B4GALT1: variants seen among roughly 807,000 people sequenced by gnomAD.
The protein encoded by B4GALT1 is N-acetyllactosamine synthase.
B4GALT1 carries 16 observed loss-of-function variants against 34.9 expected under a neutral mutation model. The ratio of observed to expected loss-of-function variants is 0.46; its 90% confidence interval spans 0.31 to 0.70. The LOEUF (loss-of-function observed/expected upper bound fraction) is 0.70. Among genes scored for constraint, B4GALT1 ranks in the 30% least tolerant of loss-of-function variants. The probability of loss-of-function intolerance (pLI) is 0.05; values close to 1 mark genes in which losing one functional copy is unlikely to be tolerated. For missense variants in B4GALT1, 445 were observed against 530.5 expected (o/e 0.84, Z 1.58); for synonymous variants, 221 against 218.1 (o/e 1.01, Z -0.12).
intron 1 of B4GALT1, among the ~76,000 whole-genome samples, chr9:33,151,012 C>T (rs1247186234): frequency 6.6e-6 from 1 of 152,034 alleles, no homozygotes; most frequent in South Asian, 2.1e-4. Context: ...GGAGAGATGG[C>T]GGATGGAGCT....
At chr9:33,118,096 G>A (rs1391131951) in intron 3 of B4GALT1, among the ~76,000 whole-genome samples, 1 of 152,216 alleles carries the variant, frequency 6.6e-6, no homozygotes, top group East Asian at 1.9e-4. Flanking sequence ...ATCAAGAGGG[G>A]TCAGGGTATA....
chr9:33,135,990 G>A (rs990884587), intron 1 of B4GALT1, among the ~76,000 whole-genome samples: 2 of 151,480 alleles, frequency 1.3e-5, no homozygotes, highest in African/African-American at 4.9e-5. Flanking sequence ...GAAGTGGAAG[G>A]TAGCAGGAGT....
chr9:33,154,803 C>T (rs764548285), intron 1 of B4GALT1, among the ~76,000 whole-genome samples: 1 of 152,092 alleles, frequency 6.6e-6, no homozygotes, highest in Non-Finnish European at 1.5e-5. Context: ...GAATGCAGCT[C>T]AACACAAATT....
intron 2 of B4GALT1, among the ~76,000 whole-genome samples, chr9:33,129,901 G>A (rs940624578): frequency 3.9e-5 from 6 of 152,180 alleles, no homozygotes; most frequent in African/African-American, 1.2e-4. Flanking sequence ...GAGAGGAGGA[G>A]GAAGTGGCTG....
chr9:33,140,146 C>T (rs1840327603), intron 1 of B4GALT1, among the ~76,000 whole-genome samples: 1 of 152,272 alleles, frequency 6.6e-6, no homozygotes, highest in Non-Finnish European at 1.5e-5. Flanking sequence ...AAGCCAACAC[C>T]AGCACGGACT....
intron 1 of B4GALT1, among the ~76,000 whole-genome samples, chr9:33,151,591 G>C (rs1564051269): frequency 6.6e-6 from 1 of 152,178 alleles, no homozygotes; most frequent in Non-Finnish European, 1.5e-5. Flanking sequence ...CCTTTCAGAT[G>C]TAAGTGAAAT....
At chr9:33,137,492 C>A (rs1238929922) in intron 1 of B4GALT1, among the ~76,000 whole-genome samples, 1 of 152,182 alleles carries the variant, frequency 6.6e-6, no homozygotes, top group Admixed American at 6.5e-5. Flanking sequence ...GCTGAGCCAG[C>A]TCCCACCTCC....
chr9:33,151,077 A>G (rs954704494), intron 1 of B4GALT1, among the ~76,000 whole-genome samples: 2 of 152,186 alleles, frequency 1.3e-5, no homozygotes, highest in Non-Finnish European at 2.9e-5. Context: ...CCTAGTCCAG[A>G]CAAAGGTCCC....
rs2118350624 is a variant in B4GALT1, at chr9:33,166,995, G to C, written c.175C>G (p.Pro59Ala). 2 of 1,593,610 alleles carry C rather than the reference G, an allele frequency of 1.3e-6. No homozygotes were observed. Among genetic ancestry groups the C allele is most frequent in the Non-Finnish European group, 1.7e-6 (2 of 1,176,198 alleles). Residue 59 changes from proline (P) to alanine (A), a missense_variant, in exon 1 of 6, where the codon CCG becomes GCG. Physicochemically the swap from Pro to Ala is conservative, Grantham distance 27. Coordinates refer to ENST00000379731, the MANE Select transcript of B4GALT1 (RefSeq NM_001497.4). The part of the protein sequence containing the change: ...RLPQLVGVST[P>A]LQGGSNSAAA... ...GCACTGTTCGAGCCGCCCTGCAGCG[G>C]TGTGGAGACTCCGACCAGTTGGGGC...
At chr9:33,143,704 T>C (rs1840385324) in intron 1 of B4GALT1, among the ~76,000 whole-genome samples, 1 of 152,216 alleles carries the variant, frequency 6.6e-6, no homozygotes, top group South Asian at 2.1e-4. Flanking sequence ...GGTTCACTTA[T>C]TAACTACCAC....
In B4GALT1 at chr9:33,135,325, T is replaced by C; in HGVS notation, c.512A>G (p.Asp171Gly). ...VKMGGRYAPRDCVSPHKVAII... is the reference protein window; with the variant it reads ...VKMGGRYAPRGCVSPHKVAII... ...GGCCACCTTGTGAGGAGAGACGCAG[T>C]CCCTGGGGGCATAGCGGCCGCCCAT... Residue 171 changes from aspartate (D) to glycine (G), a missense_variant, in exon 2 of 6, where the codon GAC (aspartate) becomes GGC (glycine). Asp to Gly is a moderately conservative substitution (Grantham distance 94). Coordinates refer to ENST00000379731, the MANE Select transcript of B4GALT1 (RefSeq NM_001497.4). 6.2e-7 allele frequency: 1 copy of C among 1,614,196 alleles called. No individual in the cohort carries two copies. The highest frequency in any genetic ancestry group is 8.5e-7 in the Non-Finnish European group (1 of 1,180,032).
At chr9:33,144,740 C>A (rs1274148677) in intron 1 of B4GALT1, among the ~76,000 whole-genome samples, 2 of 152,188 alleles carry the variant, frequency 1.3e-5, no homozygotes, top group Non-Finnish European at 2.9e-5. Flanking sequence ...AAATCCTTCA[C>A]AAACCTTGGC....
chr9:33,145,065 TGG>T (rs757565615), intron 1 of B4GALT1, among the ~76,000 whole-genome samples: 1 of 152,144 alleles, frequency 6.6e-6, no homozygotes, highest in Non-Finnish European at 1.5e-5. Context: ...GGTGGCCAAG[TGG>T]GAAGCTGGAC....
At position 33,166,777 on chromosome 9, in the gene B4GALT1, A is replaced by G. The variant is rs1331093532; in HGVS notation, c.393T>C (p.Pro131=). Residue 131 remains proline (P), a synonymous_variant, in exon 1 of 6, where the codon CCT becomes CCC. Transcript: ENST00000379731. ...HTTALSLPAC[P]EESPLLVGPM... ...CCTTACCAAGCAGCGGGGACTCCTC[A>G]GGGCAGGCGGGCAGCGACAGTGCGG... The G allele has an allele frequency of 1.3e-6, 2 of 1,522,508 alleles. No individual in the cohort carries two copies. Among genetic ancestry groups the G allele is most frequent in the Admixed American group, 2.1e-5 (1 of 48,120 alleles). 94.3% of individuals were successfully genotyped at this position (1,522,508 alleles called of 1,614,324 possible).
chr9:33,153,967 G>T (rs1414629486), intron 1 of B4GALT1, among the ~76,000 whole-genome samples: 1 of 146,960 alleles, frequency 6.8e-6, no homozygotes, highest in Non-Finnish European at 1.5e-5. Context: ...AAAGGGAAGG[G>T]GAGGGGAGAG....
intron 1 of B4GALT1, among the ~76,000 whole-genome samples, chr9:33,165,009 G>A (rs961758734): frequency 1.6e-5 from 2 of 127,464 alleles, no homozygotes; most frequent in African/African-American, 3.0e-5. Context: ...GTCTTGCTTC[G>A]TCGCCCAGGC....
chr9:33,176,755 G>A, the B4GALT1 span, among the ~76,000 whole-genome samples: 2 of 151,950 alleles, frequency 1.3e-5, no homozygotes, highest in Admixed American at 1.3e-4. Flanking sequence ...CTACCTGCTG[G>A]GTGATAGGAT....
Position 33,113,787 on chromosome 9 carries a change from G to T in B4GALT1, c.1051C>A (p.Pro351Thr), listed in dbSNP as rs1839899844. 6.2e-7 allele frequency: 1 copy of T among 1,614,046 alleles called. No homozygotes were observed. The highest frequency in any genetic ancestry group is 1.3e-5 in the African/African-American group (1 of 74,930). Reference sequence around the variant, plus strand: ...CAAAGAATGCACCTCTGAGGATTGGGTTCATTTTTCTTGTCTCTTGAGTGG... The same window carrying T: ...CAAAGAATGCACCTCTGAGGATTGGTTTCATTTTTCTTGTCTCTTGAGTGG... ...IRHSRDKKNE[P>T]NPQRFDRIAH... Residue 351 changes from proline (P) to threonine (T), a missense_variant, in exon 5 of 6, where the codon CCC becomes ACC. Pro to Thr is a conservative substitution (Grantham distance 38). Coordinates refer to ENST00000379731, the MANE Select transcript of B4GALT1 (RefSeq NM_001497.4).
intron 4 of B4GALT1, among the ~76,000 whole-genome samples, chr9:33,115,385 GA>G (rs1839924695): frequency 6.6e-6 from 1 of 152,216 alleles, no homozygotes; most frequent in Admixed American, 6.5e-5. Flanking sequence ...GGACTGAGCA[GA>G]ATGTTCTTTC....
Sources: allele counts gnomAD v4.1 joint callset (sites outside exome capture counted in the v4.1 genomes callset), GRCh38; gene constraint gnomAD v4.1.1; transcripts MANE v1.5; gene names NCBI Gene and HGNC (gene_info 2026-07-23, HGNC 2026-07-21).